The following CCDC178 variants were observed in gnomAD, a reference collection of about 807,000 sequenced individuals.
The protein encoded by CCDC178 is coiled-coil domain-containing protein 178.
Under a neutral mutation model 117.4 loss-of-function variants are expected in CCDC178, and 126 were observed. The observed-to-expected ratio is 1.07, with a 90% CI of 0.93 to 1.24. The LOEUF is 1.24. Ranked by LOEUF, CCDC178 falls within the 50% of genes most tolerant of loss-of-function variation. The pLI is 0.00. For synonymous variants in CCDC178, 283 were observed against 313.4 expected, an observed-to-expected ratio of 0.90 and a Z score of 1.02; for missense variants, 1,030 against 986.9, an observed-to-expected ratio of 1.04 and a Z score of -0.59.
At chr18:33,286,648 C>G (rs531119337) in intron 12 of CCDC178, among the ~76,000 whole-genome samples, 27 of 151,916 alleles carry the variant, frequency 1.8e-4, no homozygotes, top group Non-Finnish European at 3.7e-4. Context: ...CTATGAAAAA[C>G]AATATTCAAA....
chr18:33,122,503 C>G (rs1314264232), intron 20 of CCDC178, among the ~76,000 whole-genome samples: 1 of 152,054 alleles, frequency 6.6e-6, no homozygotes, highest in Non-Finnish European at 1.5e-5. Context: ...ATTAGATAAT[C>G]TATATAAAGG....
intron 9 of CCDC178, among the ~76,000 whole-genome samples, chr18:33,337,927 A>G (rs1350717840): frequency 1.3e-5 from 2 of 152,198 alleles, no homozygotes; most frequent in Non-Finnish European, 2.9e-5. Context: ...ATTAAACTAA[A>G]AAAGCTTCTG....
At chr18:33,302,078 T>C (rs2062184401) in intron 11 of CCDC178, among the ~76,000 whole-genome samples, 1 of 152,124 alleles carries the variant, frequency 6.6e-6, no homozygotes, top group Admixed American at 6.6e-5. Context: ...CTCAGGATAG[T>C]GATTGAGTTC....
At chr18:33,097,974 T>C (rs1467783897) in intron 20 of CCDC178, among the ~76,000 whole-genome samples, 2 of 152,110 alleles carry the variant, frequency 1.3e-5, no homozygotes, top group African/African-American at 4.8e-5. Flanking sequence ...ACCAAATGCA[T>C]GGACCTTCAA....
In CCDC178 at chr18:33,278,065, G is replaced by A. The variant is rs572073803; in HGVS notation, c.1177-10768C>T. Among the ~76,000 whole-genome samples, 16 of 151,902 alleles carry A rather than the reference G, an allele frequency of 1.1e-4. No individual in the cohort carries two copies. The East Asian group carries it at 2.3e-3, about 22-fold the overall frequency. ...AAATCTCCAACCAAAGCCCAAACTT[G>A]CATCTAAATGTTATTATCTCTAATG... On this transcript the variant is annotated intron_variant, in intron 12 of 22. Transcript: ENST00000383096.
chr18:33,155,864 T>C (rs1568022593), intron 20 of CCDC178, among the ~76,000 whole-genome samples: 1 of 152,098 alleles, frequency 6.6e-6, no homozygotes, highest in Non-Finnish European at 1.5e-5. Flanking sequence ...GGGTATTTCA[T>C]GGTGGTTAAA....
At chr18:33,185,089 G>C (rs546550978) in intron 20 of CCDC178, among the ~76,000 whole-genome samples, 7 of 152,114 alleles carry the variant, frequency 4.6e-5, no homozygotes, top group African/African-American at 1.7e-4. Context: ...TCTTTCAGGT[G>C]AATGTGGGGG....
chr18:33,008,128 A>G (rs2055787335), intron 21 of CCDC178, among the ~76,000 whole-genome samples: 1 of 152,074 alleles, frequency 6.6e-6, no homozygotes, highest in African/African-American at 2.4e-5. Context: ...ACAGTTGTGC[A>G]ACTTGAGGTC....
At chr18:32,976,855 C>T (rs1441154992) in intron 21 of CCDC178, among the ~76,000 whole-genome samples, 1 of 152,096 alleles carries the variant, frequency 6.6e-6, no homozygotes, top group Non-Finnish European at 1.5e-5. Flanking sequence ...TTTTGAAACA[C>T]ATATTGCAGT....
At chr18:33,211,583 C>T (rs1365228924) in intron 20 of CCDC178, among the ~76,000 whole-genome samples, 1 of 151,542 alleles carries the variant, frequency 6.6e-6, no homozygotes, top group Non-Finnish European at 1.5e-5. Context: ...CTCATTCTCA[C>T]ATCCTTCATT....
At chr18:33,415,181 T>C (rs914189865) in intron 2 of CCDC178, among the ~76,000 whole-genome samples, 2 of 152,168 alleles carry the variant, frequency 1.3e-5, no homozygotes, top group Non-Finnish European at 2.9e-5. Flanking sequence ...TACCATTTGA[T>C]CCAGCCATCC....
At chr18:32,941,783 G>T (rs2054244441) in intron 22 of CCDC178, among the ~76,000 whole-genome samples, 1 of 152,100 alleles carries the variant, frequency 6.6e-6, no homozygotes, top group South Asian at 2.1e-4. Context: ...AAGGAGGAAA[G>T]ATATGAAAGC....
chr18:33,051,334 C>T (rs747829253), intron 21 of CCDC178, among the ~76,000 whole-genome samples: 37 of 152,136 alleles, frequency 2.4e-4, no homozygotes, highest in Non-Finnish European at 5.4e-4. Context: ...AGAAAACATG[C>T]AGGATGGCAA....
intron 2 of CCDC178, among the ~76,000 whole-genome samples, chr18:33,414,335 CT>C (rs2063902312): frequency 6.6e-6 from 1 of 151,986 alleles, no homozygotes; most frequent in South Asian, 2.1e-4. Context: ...GAAAAAAAAA[CT>C]ATCTTGAATG....
rs1249843858 is a variant in CCDC178, at chr18:33,215,644, T to C, written c.1984A>G (p.Met662Val). 1.3e-6 allele frequency: 2 copies of C among 1,537,044 alleles called. No individual in the cohort carries two copies. Among genetic ancestry groups the C allele is most frequent in the African/African-American group, 1.4e-5 (1 of 69,696 alleles). ...TCATTTATTTTTGCATAAAAAATCA[T>C]TGTCTTACTTTTAGTTGCTTCTAGG... ...KDLEATKSKT[M>V]IFYAKINELN... is the part of the protein sequence containing the mutation. The change falls in exon 19 of 23, where the codon ATG (methionine) becomes GTG (valine). Residue 662 changes from methionine (M) to valine (V), a missense_variant. Transcript: ENST00000383096.
At chr18:33,120,096 A>C (rs1295401397) in intron 20 of CCDC178, among the ~76,000 whole-genome samples, 7 of 152,092 alleles carry the variant, frequency 4.6e-5, no homozygotes, top group Admixed American at 2.6e-4. Context: ...ATGATGAGTT[A>C]ATGGGTGCAG....
chr18:33,285,239 A>T (rs940315549), intron 12 of CCDC178, among the ~76,000 whole-genome samples: 1 of 152,172 alleles, frequency 6.6e-6, no homozygotes, highest in Non-Finnish European at 1.5e-5. Context: ...TACTCCATTT[A>T]GATTATTTCC....
intron 19 of CCDC178, among the ~76,000 whole-genome samples, chr18:33,213,252 AT>A (rs572895588): frequency 6.6e-6 from 1 of 152,000 alleles, no homozygotes; most frequent in Middle Eastern, 3.4e-3. Context: ...TTAAGTACTC[AT>A]TTTTTTCTGC....
chr18:33,337,328 T>C (rs543117109), intron 9 of CCDC178, among the ~76,000 whole-genome samples: 1 of 152,202 alleles, frequency 6.6e-6, no homozygotes, highest in African/African-American at 2.4e-5. Context: ...AGGTTTTCTA[T>C]GTATACGCTC....
Sources: gnomAD v4.1 joint callset for allele counts (sites outside exome capture counted in the v4.1 genomes callset) on GRCh38, gnomAD v4.1.1 for gene constraint, MANE v1.5 for transcripts, NCBI Gene and HGNC (gene_info 2026-07-23, HGNC 2026-07-21) for gene names.